HEATR4: variants seen among roughly 807,000 people sequenced by gnomAD.
HEATR4 encodes the protein HEAT repeat containing 4.
In HEATR4, 95 loss-of-function variants were observed where a neutral mutation model predicts 108.8. The observed-to-expected ratio is 0.87, with a 90% CI of 0.74 to 1.04. The LOEUF (loss-of-function observed/expected upper bound fraction) is 1.04. Among genes scored for constraint, HEATR4 ranks in the 50% least tolerant of loss-of-function variants. The pLI, the probability that HEATR4 is intolerant of heterozygous loss-of-function variation, is 0.00. For missense variants in HEATR4, 1,152 were observed against 1,253.8 expected (o/e 0.92, Z 1.23); for synonymous variants, 443 against 459.4 (o/e 0.96, Z 0.46).
At chr14:73,569,970 GC>G in the HEATR4 span, 53 of 1,458,946 alleles carry the variant, frequency 3.6e-5, 1 homozygote, top group East Asian at 7.6e-5. Context: ...TTATGTGTAT[GC>G]CCCCCCGCCG....
chr14:73,512,035 G>C lies in HEATR4; in HGVS notation c.1529C>G (p.Pro510Arg), dbSNP rs561979241. Residue 510 changes from proline to arginine, a missense_variant, in exon 7 of 18, where the codon CCC becomes CGC. Coordinates refer to ENST00000553558, the MANE Select transcript of HEATR4 (RefSeq NM_001220484.1). The stretch of plus-strand genomic sequence containing the variant: ...GTCTCTCTGGCTGGTGGCAATCCGG[G>C]GCCGTTCCAAAGCAGCTGTGGCACA... ...TTCATAALER[P>R]RIATSQRDSD... 53 of 1,613,952 alleles carry C rather than the reference G, an allele frequency of 3.3e-5. No homozygotes were observed. The South Asian group carries it at 4.9e-4, about 15-fold the overall frequency.
the HEATR4 span, chr14:73,592,527 C>A: frequency 7.8e-7 from 1 of 1,285,934 alleles, no homozygotes; most frequent in Non-Finnish European, 1.0e-6. Context: ...GAGAAGCTAA[C>A]ATTGACTATG....
the HEATR4 span, chr14:73,582,256 G>T: frequency 6.7e-6 from 1 of 150,196 alleles, no homozygotes; most frequent in African/African-American, 2.5e-5. Flanking sequence ...GCTCAGAGTT[G>T]TTTGCTGCCT....
At chr14:73,483,488 A>C (rs1885331168) in intron 17 of HEATR4, among the ~76,000 whole-genome samples, 1 of 152,168 alleles carries the variant, frequency 6.6e-6, no homozygotes, top group Non-Finnish European at 1.5e-5. Context: ...CCTCACATGT[A>C]GCTAAAACTA....
intron 5 of HEATR4, 24 bp downstream of exon 5, chr14:73,518,997 GCC>G: frequency 6.2e-7 from 1 of 1,601,130 alleles, no homozygotes; most frequent in Non-Finnish European, 8.5e-7. Context: ...ATTAACCCCT[GCC>G]TTCCCTGTTA....
At chr14:73,632,895 C>A in the HEATR4 span, among the ~76,000 whole-genome samples, 2 of 149,776 alleles carry the variant, frequency 1.3e-5, no homozygotes, top group African/African-American at 4.9e-5. Flanking sequence ...GTAAGCTTTT[C>A]TTCTGCATAC....
the HEATR4 span, among the ~76,000 whole-genome samples, chr14:73,586,301 G>A: frequency 6.6e-6 from 1 of 152,102 alleles, no homozygotes; most frequent in African/African-American, 2.4e-5. Flanking sequence ...GGCTGAGGCA[G>A]GAGAATCACT....
the HEATR4 span, among the ~76,000 whole-genome samples, chr14:73,587,929 T>C: frequency 6.6e-6 from 1 of 152,068 alleles, no homozygotes; most frequent in Non-Finnish European, 1.5e-5. Flanking sequence ...TTAAAGTCAG[T>C]CTCCAACTTC....
At chr14:73,510,112 C>T (rs1887147537) in intron 7 of HEATR4, among the ~76,000 whole-genome samples, 1 of 151,496 alleles carries the variant, frequency 6.6e-6, no homozygotes, top group African/African-American at 2.4e-5. Context: ...CCACCTGCCT[C>T]AGCCTCCCAA....
intron 6 of HEATR4, 35 bp downstream of exon 6, chr14:73,513,996 A>C (rs1887430709): frequency 6.2e-7 from 1 of 1,601,230 alleles, no homozygotes. Flanking sequence ...CACTTCTCAC[A>C]AACGTACAGT....
At position 73,522,515 on chromosome 14, in the gene HEATR4, C is replaced by G. The variant is rs755190660; in HGVS notation, c.638G>C (p.Arg213Pro). 1 of 1,614,078 alleles carries G rather than the reference C, an allele frequency of 6.2e-7. No homozygotes were observed. Among genetic ancestry groups the G allele is most frequent in the Admixed American group, 1.7e-5 (1 of 60,008 alleles). Residue 213 changes from arginine to proline, a missense_variant, in exon 3 of 18, where the codon CGC becomes CCC. By Grantham distance (103) the Arg-to-Pro change is moderately radical (BLOSUM62 -2). Transcript: ENST00000553558. ...CTTGCTCTGGATCCATCGGGCTGTG[C>G]GCTCGTTCAGCTTTTCCAGCACAGT... ...EATVLEKLNERTARWIQSKRP... is the reference protein window; with the variant it reads ...EATVLEKLNEPTARWIQSKRP...
In HEATR4 at chr14:73,496,659, T is replaced by C; in HGVS notation, c.2567A>G (p.Lys856Arg). The change falls in exon 15 of 18, where the codon AAG becomes AGG. Residue 856 changes from lysine to arginine, a missense_variant. Physicochemically the swap from Lys to Arg is conservative, Grantham distance 26. Coordinates refer to ENST00000553558, the MANE Select transcript of HEATR4 (RefSeq NM_001220484.1). ...AVLKEMYQTM[K>R]ILNLGNEGNQ... Reference sequence around the variant, plus strand: ...TCCTTCATTTCCTAAGTTGAGTATCTTCATTGTCTGGTACATTTCTCTGAA... The same window carrying C: ...TCCTTCATTTCCTAAGTTGAGTATCCTCATTGTCTGGTACATTTCTCTGAA... The C allele has an allele frequency of 6.3e-7, 1 of 1,587,630 alleles. No individual in the cohort carries two copies. The highest frequency in any genetic ancestry group is 8.7e-7 in the Non-Finnish European group (1 of 1,155,970).
chr14:73,533,881 T>TA lies in HEATR4; in HGVS notation c.-151-3638dup, dbSNP rs59844752. Among the ~76,000 whole-genome samples the TA allele has an allele frequency of 5.7e-3, 216 of 37,954 alleles. 8 individuals are homozygous for TA. The highest frequency in any genetic ancestry group is 0.014 in the African/African-American group (195 of 13,548). The allele number at this position is 37,954 out of a possible 152,430, so 24.9% of individuals were successfully genotyped here. A position where few individuals can be genotyped will look rare whatever the true frequency, so the allele number is the denominator to read the frequency against. ...GGGCAACATAGCAAGACCCTGTCTCTAAAAAAAAAAAAAAAAAAAAAAGGT... is the reference window on the plus strand; with the variant it reads ...GGGCAACATAGCAAGACCCTGTCTCTAAAAAAAAAAAAAAAAAAAAAAAGGT... On this transcript the variant is annotated intron_variant, in intron 1 of 17. Coordinates refer to ENST00000553558, the MANE Select transcript of HEATR4 (RefSeq NM_001220484.1).
the HEATR4 span, among the ~76,000 whole-genome samples, chr14:73,628,331 A>T: frequency 6.6e-6 from 1 of 152,130 alleles, no homozygotes; most frequent in African/African-American, 2.4e-5. Context: ...ATTGATAGAG[A>T]TGGGATCTTG....
At chr14:73,481,702 G>T (rs1001299399) in intron 17 of HEATR4, among the ~76,000 whole-genome samples, 1 of 151,904 alleles carries the variant, frequency 6.6e-6, no homozygotes, top group Admixed American at 6.6e-5. Flanking sequence ...AAAATTAGCC[G>T]GGCATGGTGG....
chr14:73,625,163 A>T, the HEATR4 span, among the ~76,000 whole-genome samples: 55 of 151,874 alleles, frequency 3.6e-4, 1 homozygote, highest in Admixed American at 3.5e-3. Context: ...GATTCAAGCG[A>T]TTCTCCTGCC....
At chr14:73,505,637 C>T (rs559557469) in intron 10 of HEATR4, among the ~76,000 whole-genome samples, 64 of 152,178 alleles carry the variant, frequency 4.2e-4, no homozygotes, top group African/African-American at 1.5e-3. Flanking sequence ...CTCTGATCCA[C>T]CTGCCTTGGC....
the HEATR4 span, among the ~76,000 whole-genome samples, chr14:73,626,789 CTT>C: frequency 0.027 from 2,197 of 82,122 alleles, 17 homozygotes; most frequent in Admixed American, 0.036. Flanking sequence ...GACAAACAGC[CTT>C]TTTTTTTTTT....
chr14:73,564,733 T>TTA, the HEATR4 span, among the ~76,000 whole-genome samples: 2 of 142,182 alleles, frequency 1.4e-5, no homozygotes, highest in Non-Finnish European at 3.1e-5. Flanking sequence ...TTTTTGTTTT[T>TTA]TTTTTTTTTT....
Sources: allele counts gnomAD v4.1 joint callset (sites outside exome capture counted in the v4.1 genomes callset), GRCh38; gene constraint gnomAD v4.1.1; transcripts MANE v1.5; gene names NCBI Gene and HGNC (gene_info 2026-07-23, HGNC 2026-07-21).